CFAP299: variants seen among roughly 807,000 people sequenced by gnomAD.
The protein encoded by CFAP299 is cilia and flagella associated protein 299.
CFAP299 carries 21 observed loss-of-function variants against 27.0 expected under a neutral mutation model. That is an observed-to-expected ratio of 0.78 (90% CI 0.55 to 1.12). The LOEUF (loss-of-function observed/expected upper bound fraction) is 1.12. Ranked by LOEUF, CFAP299 falls within the 50% of genes most tolerant of loss-of-function variation. The probability of loss-of-function intolerance (pLI) is 0.00; values close to 1 mark genes in which losing one functional copy is unlikely to be tolerated. For synonymous variants in CFAP299, 104 were observed against 98.1 expected, an observed-to-expected ratio of 1.06 and a Z score of -0.36; for missense variants, 310 against 276.6, an observed-to-expected ratio of 1.12 and a Z score of -0.86.
At chr4:80,852,911 A>G (rs939073626) in intron 3 of CFAP299, among the ~76,000 whole-genome samples, 1 of 152,228 alleles carries the variant, frequency 6.6e-6, no homozygotes, top group Admixed American at 6.5e-5. Flanking sequence ...AGCGGCCAGT[A>G]TGTACCAGGC....
intron 2 of CFAP299, among the ~76,000 whole-genome samples, chr4:80,414,715 C>A (rs1026452473): frequency 1.3e-5 from 2 of 152,198 alleles, no homozygotes; most frequent in East Asian, 3.9e-4. Flanking sequence ...CCCTGAAGGA[C>A]ATATATTGTA....
At chr4:80,764,530 G>T (rs574074673) in intron 3 of CFAP299, among the ~76,000 whole-genome samples, 3 of 152,322 alleles carry the variant, frequency 2.0e-5, no homozygotes, top group South Asian at 4.1e-4. Flanking sequence ...GTGGAAGACA[G>T]TATGGTGATT....
At chr4:80,727,938 AAT>A (rs1199491884) in intron 3 of CFAP299, among the ~76,000 whole-genome samples, 1 of 151,840 alleles carries the variant, frequency 6.6e-6, no homozygotes, top group African/African-American at 2.4e-5. Flanking sequence ...GATGCTTATA[AAT>A]ATATTAATAT....
At chr4:80,420,400 G>T in intron 2 of CFAP299, 2 of 254,352 alleles carry the variant, frequency 7.9e-6, no homozygotes, top group East Asian at 9.2e-5. Flanking sequence ...GTATATTTTG[G>T]GTGAGATATT....
chr4:80,511,323 T>C lies in CFAP299; in HGVS notation c.243-71770T>C, dbSNP rs181130579. Reference sequence around the variant, plus strand: ...TATAGATGTTGGTAACTGTTATTATTGACATTAAATACAGGAGATGCACAT... The same window carrying C: ...TATAGATGTTGGTAACTGTTATTATCGACATTAAATACAGGAGATGCACAT... On this transcript the variant is annotated intron_variant, in intron 2 of 5. Coordinates refer to ENST00000358105, the MANE Select transcript of CFAP299 (RefSeq NM_152770.3). 1.1e-3 allele frequency among the ~76,000 whole-genome samples: 170 copies of C among 152,266 alleles called. 2 individuals carry two copies. In the South Asian group the frequency reaches 0.019, roughly 17 times the overall value.
chr4:80,692,548 G>C (rs1419360593), intron 3 of CFAP299, among the ~76,000 whole-genome samples: 1 of 152,168 alleles, frequency 6.6e-6, no homozygotes, highest in African/African-American at 2.4e-5. Flanking sequence ...ATCAATTCAA[G>C]ATGGATTAAA....
At chr4:80,505,480 C>T (rs1340184339) in intron 2 of CFAP299, among the ~76,000 whole-genome samples, 2 of 70,524 alleles carry the variant, frequency 2.8e-5, no homozygotes, top group African/African-American at 2.5e-4. Context: ...GACATAACAA[C>T]TGAAAAAAGG....
intron 2 of CFAP299, among the ~76,000 whole-genome samples, chr4:80,540,480 A>G (rs577385540): frequency 3.9e-4 from 60 of 152,364 alleles, no homozygotes; most frequent in African/African-American, 1.3e-3. Flanking sequence ...TAGGCAAATT[A>G]GCTTGTAAAC....
chr4:80,721,880 C>CA (rs1235538041), intron 3 of CFAP299, among the ~76,000 whole-genome samples: 1 of 151,998 alleles, frequency 6.6e-6, no homozygotes, highest in East Asian at 1.9e-4. Context: ...AGAAAAAAGA[C>CA]AAAATAAAGA....
rs978927932 is a variant in CFAP299 at position 80,392,700 on chromosome 4, T to G, written c.242+29816T>G. On this transcript the variant is annotated intron_variant, in intron 2 of 5. Transcript: ENST00000358105. ...CAATTAAACTTCTTCCCTTTATAAA[T>G]TACCCAGTCTTGGGTATGTCTTTAT... is the stretch of plus-strand genomic sequence containing the variant. Among the ~76,000 whole-genome samples, 11 of 152,190 alleles carry G rather than the reference T, an allele frequency of 7.2e-5. 1 individual carries two copies. The South Asian group carries it at 1.7e-3, about 23-fold the overall frequency.
At chr4:80,801,380 G>C (rs931473218) in intron 3 of CFAP299, among the ~76,000 whole-genome samples, 1 of 151,856 alleles carries the variant, frequency 6.6e-6, no homozygotes, top group Non-Finnish European at 1.5e-5. Flanking sequence ...TCAATAAAAT[G>C]GGTATCTTTT....
At chr4:80,364,340 G>T (rs944462009) in intron 2 of CFAP299, among the ~76,000 whole-genome samples, 2 of 151,980 alleles carry the variant, frequency 1.3e-5, no homozygotes, top group African/African-American at 4.8e-5. Flanking sequence ...GCTGGTCTTT[G>T]CTCCTAGAAG....
chr4:80,477,485 C>A (rs1170705108), intron 2 of CFAP299, among the ~76,000 whole-genome samples: 1 of 152,158 alleles, frequency 6.6e-6, no homozygotes, highest in Admixed American at 6.5e-5. Flanking sequence ...TTTGGCCACT[C>A]AGGCTTTGGC....
chr4:80,816,049 G>A (rs1389447820), intron 3 of CFAP299, among the ~76,000 whole-genome samples: 1 of 151,814 alleles, frequency 6.6e-6, no homozygotes, highest in East Asian at 1.9e-4. Context: ...TATTACATAT[G>A]TATTCTATAA....
intron 2 of CFAP299, among the ~76,000 whole-genome samples, chr4:80,566,967 C>A (rs1735328011): frequency 6.6e-6 from 1 of 151,598 alleles, no homozygotes; most frequent in Non-Finnish European, 1.5e-5. Context: ...ATGAGGAGTT[C>A]AGAGACAATT....
chr4:80,548,431 A>C (rs1734346640), intron 2 of CFAP299, among the ~76,000 whole-genome samples: 1 of 152,162 alleles, frequency 6.6e-6, no homozygotes, highest in Admixed American at 6.6e-5. Context: ...TGCACATATC[A>C]GGTACTATCC....
intron 3 of CFAP299, among the ~76,000 whole-genome samples, chr4:80,613,856 T>C (rs1365352306): frequency 2.0e-5 from 3 of 152,176 alleles, no homozygotes; most frequent in Admixed American, 1.3e-4. Flanking sequence ...ACCAAAACAC[T>C]GTTAGCTGAG....
chr4:80,755,792 A>G (rs897918131), intron 3 of CFAP299, among the ~76,000 whole-genome samples: 2 of 152,112 alleles, frequency 1.3e-5, no homozygotes, highest in African/African-American at 4.8e-5. Context: ...ATGAATAAAT[A>G]AAAGTGATTC....
At position 80,493,868 on chromosome 4, in the gene CFAP299, C is replaced by T. The variant is rs1052508083; in HGVS notation, c.243-89225C>T. Among the ~76,000 whole-genome samples the T allele has an allele frequency of 5.6e-5, 8 of 144,126 alleles. No individual in the cohort carries two copies. In the East Asian group the frequency reaches 1.5e-3, roughly 26 times the overall value. The allele number at this position is 144,126 out of a possible 152,430, so 94.6% of individuals were successfully genotyped here. On this transcript the variant is annotated intron_variant, in intron 2 of 5. Coordinates refer to ENST00000358105, the MANE Select transcript of CFAP299 (RefSeq NM_152770.3). ...TCGGCTCACTACAAGCTCCGCTTCC[C>T]GGGTTCACGCCATTCTCCTGCCTCA...
Sources: gnomAD v4.1 joint callset for allele counts (sites outside exome capture counted in the v4.1 genomes callset) on GRCh38, gnomAD v4.1.1 for gene constraint, MANE v1.5 for transcripts, NCBI Gene and HGNC (gene_info 2026-07-23, HGNC 2026-07-21) for gene names.